ADGRL3: variants seen among roughly 807,000 people sequenced by gnomAD.
ADGRL3 encodes the protein calcium-independent alpha-latrotoxin receptor 3.
Under a neutral mutation model 153.5 loss-of-function variants are expected in ADGRL3, and 62 were observed. The ratio of observed to expected loss-of-function variants is 0.40; its 90% CI spans 0.33 to 0.50. The LOEUF (loss-of-function observed/expected upper bound fraction) is 0.50. ADGRL3 is among the 20% of genes least tolerant of loss of function. ADGRL3 has a pLI of 0.47. For synonymous variants in ADGRL3, 710 were observed against 672.5 expected (o/e 1.06, Z -0.86); for missense variants, 1,641 against 1,859.4 (o/e 0.88, Z 2.16).
intron 1 of ADGRL3, among the ~76,000 whole-genome samples, chr4:61,287,622 T>C (rs563118384): frequency 6.6e-6 from 1 of 152,060 alleles, no homozygotes; most frequent in African/African-American, 2.4e-5. Context: ...GTAAAATCTT[T>C]AAAATTCTGA....
chr4:61,531,750 T>C (rs2098617543), intron 4 of ADGRL3, among the ~76,000 whole-genome samples: 2 of 146,648 alleles, frequency 1.4e-5, no homozygotes, highest in Non-Finnish European at 2.9e-5. Context: ...TTTCCATGTA[T>C]GATGTACTCT....
chr4:61,477,680 A>T (rs1245533664), intron 2 of ADGRL3, among the ~76,000 whole-genome samples: 1 of 152,110 alleles, frequency 6.6e-6, no homozygotes, highest in Non-Finnish European at 1.5e-5. Context: ...GTCTTCAGGG[A>T]TTTAAGAGGC....
intron 2 of ADGRL3, among the ~76,000 whole-genome samples, chr4:61,422,664 T>G (rs1389547131): frequency 6.6e-6 from 1 of 152,138 alleles, no homozygotes; most frequent in Non-Finnish European, 1.5e-5. Flanking sequence ...TTCATTGATA[T>G]TATAAAAGTT....
At chr4:61,844,440 G>A (rs1288025655) in intron 9 of ADGRL3, among the ~76,000 whole-genome samples, 4 of 147,042 alleles carry the variant, frequency 2.7e-5, no homozygotes, top group Admixed American at 6.9e-5. Context: ...CCAGCTACTC[G>A]GGAGGCTGAA....
rs183672854 is a variant in ADGRL3 at position 61,216,247 on chromosome 4, A to G, written c.-240+14482A>G. On this transcript the variant is annotated intron_variant, in intron 1 of 26. Transcript: ENST00000683033. ...AAGTGACATAATGAAGATGTTTTGCATGATTTGAAACCATTAAGGAGTCTG... is the reference window on the plus strand; with the variant it reads ...AAGTGACATAATGAAGATGTTTTGCGTGATTTGAAACCATTAAGGAGTCTG... 1.2e-3 allele frequency among the ~76,000 whole-genome samples: 180 copies of G among 152,292 alleles called. 1 individual carries two copies. Among genetic ancestry groups the G allele is most frequent in the African/African-American group, 4.2e-3 (176 of 41,570 alleles).
At chr4:62,064,412 G>A (rs567756912) in intron 25 of ADGRL3, among the ~76,000 whole-genome samples, 55 of 150,806 alleles carry the variant, frequency 3.6e-4, no homozygotes, top group Non-Finnish European at 6.5e-4. Context: ...TACCTTTCCC[G>A]AGTATAAAAA....
intron 17 of ADGRL3, among the ~76,000 whole-genome samples, chr4:61,978,390 A>G (rs1232279860): frequency 2.6e-5 from 4 of 151,928 alleles, no homozygotes; most frequent in African/African-American, 7.3e-5. Flanking sequence ...GACTTTAAAT[A>G]TAGTACACTG....
chr4:62,007,383 T>TATATATATATATATAC (rs71213024), intron 21 of ADGRL3, among the ~76,000 whole-genome samples: 37 of 30,760 alleles, frequency 1.2e-3, no homozygotes, highest in Admixed American at 2.9e-3. Flanking sequence ...TATATATATA[T>TATATATATATATATAC]ACACACACAC....
chr4:61,666,929 T>C lies in ADGRL3; in HGVS notation c.474-9897T>C, dbSNP rs930798738. Among the ~76,000 whole-genome samples the C allele has an allele frequency of 1.1e-4, 17 of 152,206 alleles. 1 individual carries two copies. Among genetic ancestry groups the C allele is most frequent in the African/African-American group, 4.1e-4 (17 of 41,464 alleles). Reference sequence around the variant, plus strand: ...TTTTACCATTTTATCTGCCTATTGATAAAGCATTTAACTAGTGAAAGATTA... The same window carrying C: ...TTTTACCATTTTATCTGCCTATTGACAAAGCATTTAACTAGTGAAAGATTA... On this transcript the variant is annotated intron_variant, in intron 5 of 26. Coordinates refer to ENST00000683033, the MANE Select transcript of ADGRL3 (RefSeq NM_001387552.1).
chr4:61,824,806 G>A (rs1369384123), intron 9 of ADGRL3, among the ~76,000 whole-genome samples: 2 of 152,212 alleles, frequency 1.3e-5, no homozygotes, highest in Non-Finnish European at 2.9e-5. Flanking sequence ...GACAATAGAT[G>A]TAGAAGATAT....
At chr4:61,860,982 A>G (rs7667328) in intron 9 of ADGRL3, among the ~76,000 whole-genome samples, 11,100 of 152,250 alleles carry the variant, frequency 0.073, 477 homozygotes, top group Non-Finnish European at 0.1. Context: ...ACGGCATTAA[A>G]TCACTCATCA....
intron 8 of ADGRL3, among the ~76,000 whole-genome samples, chr4:61,770,466 C>T (rs1394123426): frequency 6.6e-6 from 1 of 152,138 alleles, no homozygotes; most frequent in Non-Finnish European, 1.5e-5. Context: ...TGTATGGTTT[C>T]TCTGAGGGCA....
intron 1 of ADGRL3, chr4:61,211,841 A>C (rs1025455186): frequency 6.6e-6 from 1 of 152,248 alleles, no homozygotes; most frequent in African/African-American, 2.4e-5. Context: ...TGCCATTTCT[A>C]TCCTACAGTG....
intron 9 of ADGRL3, among the ~76,000 whole-genome samples, chr4:61,826,336 C>T (rs574370516): frequency 6.6e-6 from 1 of 152,276 alleles, no homozygotes; most frequent in Admixed American, 6.5e-5. Context: ...AACTAATTTA[C>T]TCACTAAGCA....
At chr4:61,663,825 A>T (rs1033477173) in intron 5 of ADGRL3, among the ~76,000 whole-genome samples, 2 of 152,230 alleles carry the variant, frequency 1.3e-5, no homozygotes, top group African/African-American at 4.8e-5. Flanking sequence ...AGGATTGAGT[A>T]TTATAGTTCC....
chr4:61,456,910 T>G (rs557711329), intron 2 of ADGRL3, among the ~76,000 whole-genome samples: 1 of 152,084 alleles, frequency 6.6e-6, no homozygotes, highest in African/African-American at 2.4e-5. Flanking sequence ...TTTGTAGGAG[T>G]AGGCTGTTTT....
intron 9 of ADGRL3, among the ~76,000 whole-genome samples, chr4:61,886,320 C>T (rs2098538372): frequency 6.6e-6 from 1 of 152,136 alleles, no homozygotes; most frequent in Admixed American, 6.5e-5. Flanking sequence ...AAGCTACTGA[C>T]AGCATTGTTA....
At chr4:61,451,437 C>T (rs1452973296) in intron 2 of ADGRL3, among the ~76,000 whole-genome samples, 2 of 152,110 alleles carry the variant, frequency 1.3e-5, no homozygotes, top group African/African-American at 4.8e-5. Context: ...TACAACCAAC[C>T]ACTGTGTTGA....
intron 4 of ADGRL3, among the ~76,000 whole-genome samples, chr4:61,571,088 G>A (rs11131330): frequency 0.037 from 5,626 of 151,988 alleles, 243 homozygotes; most frequent in East Asian, 0.25. Flanking sequence ...GGGGATGCAA[G>A]AGATGATCTT....
Sources: gnomAD v4.1 joint callset for allele counts (sites outside exome capture counted in the v4.1 genomes callset) on GRCh38, gnomAD v4.1.1 for gene constraint, MANE v1.5 for transcripts, NCBI Gene and HGNC (gene_info 2026-07-23, HGNC 2026-07-21) for gene names.